WDR11: variants seen among roughly 807,000 people sequenced by gnomAD.
WDR11 encodes WD repeat-containing protein 11.
Under a neutral mutation model 151.2 loss-of-function variants are expected in WDR11, and 83 were observed. That is an observed-to-expected ratio of 0.55 (90% CI 0.46 to 0.66). The LOEUF (loss-of-function observed/expected upper bound fraction) is 0.66. Ranked by LOEUF, WDR11 falls within the 30% of genes least tolerant of loss-of-function variation. The pLI, the probability that WDR11 is intolerant of heterozygous loss-of-function variation, is 0.00. For synonymous variants in WDR11, 484 were observed against 533.1 expected, an observed-to-expected ratio of 0.91 and a Z score of 1.27; for missense variants, 1,301 against 1,480.9, an observed-to-expected ratio of 0.88 and a Z score of 1.99.
rs770383841 is a variant in WDR11, at chr10:120,865,210, C to G, written c.877C>G (p.Gln293Glu). The G allele has an allele frequency of 6.2e-7, 1 of 1,613,554 alleles. No homozygotes were observed. Among genetic ancestry groups the G allele is most frequent in the East Asian group, 2.2e-5 (1 of 44,828 alleles). ...AIERTGVPFL[Q>E]VIPCFQRDGL... ...AGAACGCACAGGAGTTCCATTTTTA[C>G]AGGTATCTACAATTCATAAATTATA... is the stretch of plus-strand genomic sequence containing the variant. The change falls in exon 6 of 29, where the codon CAG (glutamine) becomes GAG (glutamate). Residue 293 changes from glutamine to glutamate, a missense_variant and splice_region_variant. Around this residue, in one of 3 missense-constraint regions of WDR11, gnomAD observed 692 missense variants for 762.5 expected, o/e 0.91. Transcript: ENST00000263461.
intron 19 of WDR11, 106 bp from the exon 20 acceptor site, chr10:120,899,922 AT>A: frequency 1.1e-6 from 1 of 887,832 alleles, no homozygotes; most frequent in Non-Finnish European, 1.8e-6. Flanking sequence ...GTTGTTCCAG[AT>A]TTACCTGTTG....
chr10:120,858,553 T>C, intron 2 of WDR11, 90 bp from the exon 3 acceptor site: 1 of 1,439,500 alleles, frequency 6.9e-7, no homozygotes. Flanking sequence ...AATATAAATG[T>C]AGTATGGGTT....
intron 6 of WDR11, 29 bp from the exon 7 acceptor site, chr10:120,865,601 T>TA: frequency 6.9e-7 from 1 of 1,452,702 alleles, no homozygotes; most frequent in South Asian, 1.2e-5. Context: ...TATTGTGTTT[T>TA]AAAAAATAAA....
chr10:120,904,041 T>A lies in WDR11; in HGVS notation c.2932-6T>A. ...GGCTTAATTTTTCTTTTTTTTCCAA[T>A]TCTAGAAATTTCAGCTAGAAAGGGT... On this transcript the variant is annotated splice_polypyrimidine_tract_variant and splice_region_variant and intron_variant, in intron 23 of 28. Coordinates refer to ENST00000263461, the MANE Select transcript of WDR11 (RefSeq NM_018117.12). The A allele has an allele frequency of 6.3e-7, 1 of 1,596,606 alleles. No individual in the cohort carries two copies. The highest frequency in any genetic ancestry group is 2.2e-5 in the East Asian group (1 of 44,732).
At chr10:120,856,505 G>A (rs781570497) in intron 2 of WDR11, among the ~76,000 whole-genome samples, 18 of 150,932 alleles carry the variant, frequency 1.2e-4, no homozygotes, top group Non-Finnish European at 2.2e-4. Context: ...AACCTGGGAG[G>A]TGGAGGTTGC....
chr10:120,898,541 G>A (rs1001235559), intron 19 of WDR11, among the ~76,000 whole-genome samples: 1 of 152,142 alleles, frequency 6.6e-6, no homozygotes, highest in Non-Finnish European at 1.5e-5. Context: ...ATTTGGCTCT[G>A]TGTCTCCACC....
chr10:120,878,801 T>G (rs1846896056), intron 12 of WDR11, among the ~76,000 whole-genome samples: 1 of 152,130 alleles, frequency 6.6e-6, no homozygotes, highest in African/African-American at 2.4e-5. Context: ...TTTATTAGAG[T>G]CTGTGCTGGA....
rs533836540 is a variant in WDR11, at chr10:120,884,876, G to A, written c.1849-938G>A. ...ATGTTCAAACTCATCAGTTTTCAGA[G>A]ATGTTCAAACCATGATATGGATCTA... On this transcript the variant is annotated intron_variant, in intron 14 of 28. Transcript: ENST00000263461. 4.6e-5 allele frequency: 7 copies of A among 152,320 alleles called. No individual in the cohort carries two copies. The South Asian group carries it at 1.5e-3, about 32-fold the overall frequency. The allele number at this position is 152,320 out of a possible 1,614,324, so 9.4% of individuals were successfully genotyped here.
At chr10:120,855,085 A>G (rs12242204) in intron 2 of WDR11, among the ~76,000 whole-genome samples, 46,065 of 152,108 alleles carry the variant, frequency 0.3, 7,373 homozygotes, top group East Asian at 0.42. Context: ...AGGCATAATA[A>G]GAGATTAACA....
chr10:120,906,091 CTAGCAGGTCA>C (rs1170950476), intron 27 of WDR11, 70 bp downstream of exon 27: 5 of 1,611,670 alleles, frequency 3.1e-6, no homozygotes, highest in Admixed American at 1.7e-5. Flanking sequence ...TCTCGCGGTT[CTAGCAGGTCA>C]TGGTACTCGA....
At position 120,864,944 on chromosome 10, in the gene WDR11, C is replaced by T. The variant is rs555764701; in HGVS notation, c.714-103C>T. 52 of 1,390,318 alleles carry T rather than the reference C, an allele frequency of 3.7e-5. No homozygotes were observed. The Admixed American group carries it at 9.1e-4, about 24-fold the overall frequency. 86.1% of individuals were successfully genotyped at this position (1,390,318 alleles called of 1,614,324 possible). A position where few individuals can be genotyped will look rare whatever the true frequency, so the allele number is the denominator to read the frequency against. On this transcript the variant is annotated intron_variant, in intron 5 of 28. Transcript: ENST00000263461. Reference sequence around the variant, plus strand: ...TTGGTCACTTCAGGGAATAGTTGTACATTTTTATTGTCAATTTTTATGTGT... The same window carrying T: ...TTGGTCACTTCAGGGAATAGTTGTATATTTTTATTGTCAATTTTTATGTGT...
intron 9 of WDR11, among the ~76,000 whole-genome samples, chr10:120,867,983 A>G (rs563914740): frequency 6.6e-6 from 1 of 152,340 alleles, no homozygotes; most frequent in Non-Finnish European, 1.5e-5. Context: ...GCTACTTGAA[A>G]TTATAAGGCT....
chr10:120,881,307 T>G (rs916519462), intron 13 of WDR11, among the ~76,000 whole-genome samples: 3 of 152,094 alleles, frequency 2.0e-5, no homozygotes, highest in African/African-American at 7.2e-5. Context: ...TGAATGAAAA[T>G]CAATCAAAAT....
chr10:120,908,380 A>G (rs1328223238), intron 28 of WDR11, 176 bp from the exon 29 acceptor site: 3 of 667,654 alleles, frequency 4.5e-6, no homozygotes, highest in Non-Finnish European at 8.1e-6. Context: ...ATGGCCGGGA[A>G]TCACCCTCTG....
chr10:120,886,866 A>G (rs1847238172), intron 16 of WDR11, 30 bp downstream of exon 16: 5 of 1,613,540 alleles, frequency 3.1e-6, no homozygotes, highest in Non-Finnish European at 4.2e-6. Context: ...AATCTTCATC[A>G]AGAAGATTTT....
In WDR11 at chr10:120,886,696, C is replaced by T; in HGVS notation, c.1981C>T (p.Gln661Ter). Residue 661 changes from glutamine (Q) to a stop codon, truncating the protein, a stop_gained, in exon 16 of 29, where the codon CAG (glutamine) becomes TAG (stop). Transcript: ENST00000263461. LOFTEE classifies it high-confidence loss of function. ...IVESSVISLL[Q>*]EAESKSELSQ... ...TGTTTCACTATCCCAAAGCTTGCTG[C>T]AGGAGGCAGAAAGTAAATCTGAACT... 1 of 1,613,708 alleles carries T rather than the reference C, an allele frequency of 6.2e-7. No homozygotes were observed. Among genetic ancestry groups the T allele is most frequent in the Non-Finnish European group, 8.5e-7 (1 of 1,179,832 alleles).
In WDR11 at chr10:120,883,897, C is replaced by A. The variant is rs1315185735; in HGVS notation, c.1848+9C>A. 2 of 1,599,276 alleles carry A rather than the reference C, an allele frequency of 1.3e-6. No homozygotes were observed. Among genetic ancestry groups the A allele is most frequent in the Admixed American group, 1.7e-5 (1 of 59,868 alleles). On this transcript the variant is annotated intron_variant, in intron 14 of 28. Coordinates refer to ENST00000263461, the MANE Select transcript of WDR11 (RefSeq NM_018117.12). ...CTACAATAACTGCTTTGGTAAGTTACAATTTAAGAATTTAATAGCTTATTT... is the reference window on the plus strand; with the variant it reads ...CTACAATAACTGCTTTGGTAAGTTAAAATTTAAGAATTTAATAGCTTATTT...
intron 25 of WDR11, 139 bp from the exon 26 acceptor site, chr10:120,905,180 C>G: frequency 1.2e-6 from 1 of 840,070 alleles, no homozygotes. Flanking sequence ...TATTATGTTT[C>G]AGAATTTAAA....
intron 17 of WDR11, 42 bp downstream of exon 17, chr10:120,889,226 A>G: frequency 1.7e-6 from 2 of 1,183,728 alleles, no homozygotes; most frequent in African/African-American, 1.7e-5. Context: ...ATTAAAAAAA[A>G]GAAATGAAAT....
Sources: gnomAD v4.1 joint callset for allele counts (sites outside exome capture counted in the v4.1 genomes callset) on GRCh38, gnomAD v4.1.1 for gene constraint, gnomAD v4.1.1 regional missense constraint, MANE v1.5 for transcripts, NCBI Gene and HGNC (gene_info 2026-07-23, HGNC 2026-07-21) for gene names.